The following PPP1R15B variants were observed in gnomAD, a reference collection of about 807,000 sequenced individuals.
PPP1R15B encodes protein phosphatase 1 regulatory subunit 15B, also known as protein phosphatase 1, regulatory (inhibitor) subunit 15B.
PPP1R15B carries 31 observed loss-of-function variants against 53.9 expected under a neutral mutation model. The ratio of observed to expected loss-of-function variants is 0.58; its 90% confidence interval spans 0.43 to 0.78. The LOEUF (loss-of-function observed/expected upper bound fraction) is 0.78. Ranked by LOEUF, PPP1R15B falls within the 30% of genes least tolerant of loss-of-function variation. The probability of loss-of-function intolerance (pLI) is 0.00; values close to 1 mark genes in which losing one functional copy is unlikely to be tolerated. For synonymous variants in PPP1R15B, 345 were observed against 329.1 expected, an observed-to-expected ratio of 1.05 and a Z score of -0.52; for missense variants, 928 against 849.6, an observed-to-expected ratio of 1.09 and a Z score of -1.15.
chr1:204,409,090 C>T lies in PPP1R15B; in HGVS notation c.1920+402G>A, dbSNP rs544332232. 8.5e-5 allele frequency among the ~76,000 whole-genome samples: 13 copies of T among 152,310 alleles called. No individual in the cohort carries two copies. In the East Asian group the frequency reaches 2.5e-3, roughly 29 times the overall value. ...ATATTAAGTATTTGCAGACAACATACATTTAAAATCATTTTAAAACTCTAT... is the reference window on the plus strand; with the variant it reads ...ATATTAAGTATTTGCAGACAACATATATTTAAAATCATTTTAAAACTCTAT... On this transcript the variant is annotated intron_variant, in intron 1 of 1. Coordinates refer to ENST00000367188, the MANE Select transcript of PPP1R15B (RefSeq NM_032833.5).
rs750962890 is a variant in PPP1R15B at position 204,409,798 on chromosome 1, C to T, written c.1614G>A (p.Gly538=). 6.2e-7 allele frequency: 1 copy of T among 1,614,132 alleles called. No homozygotes were observed. The highest frequency in any genetic ancestry group is 1.1e-5 in the South Asian group (1 of 91,082). The change falls in exon 1 of 2, where the codon GGG becomes GGA. Residue 538 remains glycine (G), a synonymous_variant. Coordinates refer to ENST00000367188, the MANE Select transcript of PPP1R15B (RefSeq NM_032833.5). ...CACTAGATTCCCAGTCATCTTCCTCCCCAGAACTATGCTCAGGGGTCTCAG... is the reference window on the plus strand; with the variant it reads ...CACTAGATTCCCAGTCATCTTCCTCTCCAGAACTATGCTCAGGGGTCTCAG... The part of the protein sequence containing the change: ...SLPETPEHSS[G]EEDDWESSAD...
Position 204,410,739 on chromosome 1 carries a change from G to C in PPP1R15B, c.673C>G (p.Pro225Ala). ...NFSVVSYLLN[P>A]SYLDCFPRLE... ...CTAGGAAAGCAGTCCAGGTAGGAAG[G>C]GTTCAGCAAATAGGATACCACACTG... is the stretch of plus-strand genomic sequence containing the variant. The change falls in exon 1 of 2, where the codon CCT (proline) becomes GCT (alanine). Residue 225 changes from proline to alanine, a missense_variant. Coordinates refer to ENST00000367188, the MANE Select transcript of PPP1R15B (RefSeq NM_032833.5). The C allele has an allele frequency of 6.2e-7, 1 of 1,614,164 alleles. No individual in the cohort carries two copies. The highest frequency in any genetic ancestry group is 8.5e-7 in the Non-Finnish European group (1 of 1,180,026).
At chr1:204,406,372 T>C (rs1166329516) in intron 1 of PPP1R15B, 59 bp from the exon 2 acceptor site, 10 of 1,577,004 alleles carry the variant, frequency 6.3e-6, no homozygotes, top group African/African-American at 1.4e-5. Flanking sequence ...AGCATTGAGG[T>C]CAATAACCCT....
rs1356933880 is a variant in PPP1R15B at position 204,411,645 on chromosome 1, T to C, written c.-234A>G. ...GCGGCGACTGATGCGACTTCCATCC[T>C]GGCGGGGAAGGAGGTTCCCTAGTCG... is the stretch of plus-strand genomic sequence containing the variant. On this transcript the variant is annotated 5_prime_UTR_variant, in exon 1 of 2. Coordinates refer to ENST00000367188, the MANE Select transcript of PPP1R15B (RefSeq NM_032833.5). 3.3e-5 allele frequency: 20 copies of C among 598,796 alleles called. No homozygotes were observed. The East Asian group carries it at 5.7e-4, about 17-fold the overall frequency. 37.1% of individuals were successfully genotyped at this position (598,796 alleles called of 1,614,324 possible). A position where few individuals can be genotyped will look rare whatever the true frequency, so the allele number is the denominator to read the frequency against.
downstream of PPP1R15B, among the ~76,000 whole-genome samples, chr1:204,400,486 C>CTTTT (rs11442135): frequency 1.4e-5 from 2 of 143,440 alleles, no homozygotes; most frequent in Non-Finnish European, 1.5e-5. Context: ...ATTTCTTTTT[C>CTTTT]TTTTTTTTTT....
In PPP1R15B at chr1:204,409,628, A is replaced by G; in HGVS notation, c.1784T>C (p.Ile595Thr). ...CRDSKTPSES[I>T]VAISECHTLL... ...GGTGTGACACTCAGAAATGGCCACAATGGACTCAGATGGGGTCTTTGAGTC... is the reference window on the plus strand; with the variant it reads ...GGTGTGACACTCAGAAATGGCCACAGTGGACTCAGATGGGGTCTTTGAGTC... The change falls in exon 1 of 2, where the codon ATT becomes ACT. Residue 595 changes from isoleucine to threonine, a missense_variant. Ile to Thr is a moderately conservative substitution (Grantham distance 89). Coordinates refer to ENST00000367188, the MANE Select transcript of PPP1R15B (RefSeq NM_032833.5). 6.2e-7 allele frequency: 1 copy of G among 1,614,154 alleles called. No homozygotes were observed. The highest frequency in any genetic ancestry group is 8.5e-7 in the Non-Finnish European group (1 of 1,180,018).
In PPP1R15B at chr1:204,403,931, ATCC is replaced by A. The variant is rs1674220007; in HGVS notation, c.*2158_*2160del. On this transcript the variant is annotated 3_prime_UTR_variant, in exon 2 of 2. Transcript: ENST00000367188. ...TCACTCATTTGGTAGTGAGGTTAGA[ATCC>A]CATGGGGAACAATTTTCCAAAATCC... 1.2e-5 allele frequency: 12 copies of A among 985,558 alleles called. No homozygotes were observed. Among genetic ancestry groups the A allele is most frequent in the Non-Finnish European group, 1.4e-5 (12 of 829,916 alleles). The allele number at this position is 985,558 out of a possible 1,614,324, so 61.1% of individuals were successfully genotyped here. A position where few individuals can be genotyped will look rare whatever the true frequency, so the allele number is the denominator to read the frequency against.
chr1:204,406,700 C>A (rs1438671230), intron 1 of PPP1R15B, among the ~76,000 whole-genome samples: 4 of 150,528 alleles, frequency 2.7e-5, no homozygotes, highest in Admixed American at 6.6e-5. Flanking sequence ...TGCAGTGAGC[C>A]AATATCGCGC....
downstream of PPP1R15B, among the ~76,000 whole-genome samples, chr1:204,401,588 G>GA (rs1280676213): frequency 2.0e-5 from 3 of 152,024 alleles, no homozygotes; most frequent in South Asian, 6.3e-4. Context: ...CGTGCATTAT[G>GA]AGAAAAAAAT....
rs1197127257 is a variant in PPP1R15B at position 204,405,203 on chromosome 1, T to C, written c.*889A>G. The stretch of plus-strand genomic sequence containing the variant: ...TCTGAGATGTCTCCTATTTTCTTTC[T>C]AGGAAATTTCTAGGCTTTTAAGTTT... On this transcript the variant is annotated 3_prime_UTR_variant, in exon 2 of 2. Transcript: ENST00000367188. 4.1e-6 allele frequency: 4 copies of C among 983,982 alleles called. No homozygotes were observed. Among genetic ancestry groups the C allele is most frequent in the Non-Finnish European group, 4.8e-6 (4 of 828,228 alleles). 61.0% of individuals were successfully genotyped at this position (983,982 alleles called of 1,614,324 possible). A position where few individuals can be genotyped will look rare whatever the true frequency, so the allele number is the denominator to read the frequency against.
downstream of PPP1R15B, among the ~76,000 whole-genome samples, chr1:204,399,790 G>C (rs767476678): frequency 1.3e-5 from 2 of 152,268 alleles, no homozygotes; most frequent in Admixed American, 6.5e-5. Flanking sequence ...GGGATAGAGT[G>C]ATCAGAGGGC....
At chr1:204,399,241 A>G (rs990104027), downstream of PPP1R15B, among the ~76,000 whole-genome samples, 1 of 152,128 alleles carries the variant, frequency 6.6e-6, no homozygotes, top group East Asian at 1.9e-4. Context: ...TGGGCAACAT[A>G]GCCAGACCCC....
chr1:204,395,843 TAGA>T (rs1006355005), downstream of PPP1R15B, among the ~76,000 whole-genome samples: 1 of 152,198 alleles, frequency 6.6e-6, no homozygotes, highest in Non-Finnish European at 1.5e-5. Context: ...CAACAGTTCA[TAGA>T]AGCTTTATTC....
At chr1:204,406,553 C>T (rs1674267776) in intron 1 of PPP1R15B, among the ~76,000 whole-genome samples, 2 of 152,068 alleles carry the variant, frequency 1.3e-5, no homozygotes, top group South Asian at 2.1e-4. Context: ...AGTTCAAGAC[C>T]AGCCTGACCA....
Position 204,410,778 on chromosome 1 carries a change from G to C in PPP1R15B, c.634C>G (p.Arg212Gly), listed in dbSNP as rs911949067. Residue 212 changes from arginine (R) to glycine (G), a missense_variant, in exon 1 of 2, where the codon CGC becomes GGC. Arg to Gly is a moderately radical substitution (Grantham distance 125). Transcript: ENST00000367188. ...GATACCACACTGAAATTGTCTATGC[G>C]TTGAATGTTTAGAGGCCCAGAGGGC... is the stretch of plus-strand genomic sequence containing the variant. ...SSPSGPLNIQ[R>G]IDNFSVVSYL... 3.3e-5 allele frequency: 54 copies of C among 1,614,126 alleles called. No individual in the cohort carries two copies. Among genetic ancestry groups the C allele is most frequent in the Admixed American group, 1.3e-4 (8 of 60,008 alleles).
At position 204,404,920 on chromosome 1, in the gene PPP1R15B, C is replaced by T; in HGVS notation, c.*1172G>A. ...TTGGGCTAAATATATTAAAACTTTC[C>T]AGTCATTAATCTATACTTCTATCCT... On this transcript the variant is annotated 3_prime_UTR_variant, in exon 2 of 2. Coordinates refer to ENST00000367188, the MANE Select transcript of PPP1R15B (RefSeq NM_032833.5). 2.0e-6 allele frequency: 2 copies of T among 985,630 alleles called. No individual in the cohort carries two copies. Among genetic ancestry groups the T allele is most frequent in the Non-Finnish European group, 2.4e-6 (2 of 829,766 alleles). The allele number at this position is 985,630 out of a possible 1,614,324, so 61.1% of individuals were successfully genotyped here.
At position 204,411,202 on chromosome 1, in the gene PPP1R15B, G is replaced by A; in HGVS notation, c.210C>T (p.Leu70=). 1 of 1,614,252 alleles carries A rather than the reference G, an allele frequency of 6.2e-7. No individual in the cohort carries two copies. The highest frequency in any genetic ancestry group is 1.7e-5 in the Admixed American group (1 of 60,024). The change falls in exon 1 of 2, where the codon CTC becomes CTT. Residue 70 remains leucine, a synonymous_variant. Transcript: ENST00000367188. ...GAAGCAATCCGGGGAGCGGCGCAAG[G>A]AGCTGGGAGAGCAGTTTCGTCCAGT... The part of the protein sequence containing the change: ...VSYWTKLLSQ[L]LAPLPGLLQK...
chr1:204,401,634 G>C (rs1418798332), downstream of PPP1R15B, among the ~76,000 whole-genome samples: 3 of 152,182 alleles, frequency 2.0e-5, no homozygotes, highest in Admixed American at 2.0e-4. Flanking sequence ...AAGGTACAGA[G>C]AATAGAGTCC....
chr1:204,404,395 G>A lies in PPP1R15B; in HGVS notation c.*1697C>T. The A allele has an allele frequency of 6.1e-6, 3 of 493,760 alleles. No individual in the cohort carries two copies. The highest frequency in any genetic ancestry group is 7.9e-6 in the Non-Finnish European group (3 of 381,266). 30.6% of individuals were successfully genotyped at this position (493,760 alleles called of 1,614,324 possible). Reference sequence around the variant, plus strand: ...AGCTACTCGGGAGGCTGAGGCAGGAGAATCGCGTGAACCCAGGAGGCGGAG... The same window carrying A: ...AGCTACTCGGGAGGCTGAGGCAGGAAAATCGCGTGAACCCAGGAGGCGGAG... On this transcript the variant is annotated 3_prime_UTR_variant, in exon 2 of 2. Transcript: ENST00000367188.
Sources: allele counts gnomAD v4.1 joint callset (sites outside exome capture counted in the v4.1 genomes callset), GRCh38; gene constraint gnomAD v4.1.1; transcripts MANE v1.5; gene names NCBI Gene and HGNC (gene_info 2026-07-23, HGNC 2026-07-21).